The following FBLN7 variants were observed in gnomAD, a reference collection of about 807,000 sequenced individuals.
The protein encoded by FBLN7 is fibulin 7, also known as fibulin-7.
A neutral mutation model predicts 44.0 loss-of-function variants in FBLN7; 31 were observed. That is an observed-to-expected ratio of 0.70 (90% CI 0.53 to 0.95). FBLN7 has a LOEUF of 0.95. Among genes scored for constraint, FBLN7 ranks in the 40% least tolerant of loss-of-function variants. The pLI is 0.00. For missense variants in FBLN7, 573 were observed against 618.5 expected, an observed-to-expected ratio of 0.93 and a Z score of 0.78; for synonymous variants, 262 against 253.4, an observed-to-expected ratio of 1.03 and a Z score of -0.32.
At chr2:112,194,144 G>C in the FBLN7 span, among the ~76,000 whole-genome samples, 1 of 152,128 alleles carries the variant, frequency 6.6e-6, no homozygotes, top group Non-Finnish European at 1.5e-5. Context: ...TGCCTGGGCT[G>C]GGATGACCTA....
At chr2:112,145,634 C>T (rs777162117) in intron 1 of FBLN7, among the ~76,000 whole-genome samples, 2 of 152,216 alleles carry the variant, frequency 1.3e-5, no homozygotes, top group Non-Finnish European at 2.9e-5. Context: ...CTTGGCCTAA[C>T]CTCAGGTCAT....
At chr2:112,234,092 G>T in the FBLN7 span, 1 of 1,285,916 alleles carries the variant, frequency 7.8e-7, no homozygotes, top group Non-Finnish European at 1.1e-6. Context: ...TTACATTTTA[G>T]TAGATTTTTG....
chr2:112,155,065 G>C (rs374406171), intron 1 of FBLN7, among the ~76,000 whole-genome samples: 1 of 152,194 alleles, frequency 6.6e-6, no homozygotes, highest in Non-Finnish European at 1.5e-5. Context: ...TGTGGGACTT[G>C]TTCTTTGTTT....
At chr2:112,164,901 A>C in intron 2 of FBLN7, 100 bp from the exon 3 acceptor site, 2 of 1,305,844 alleles carry the variant, frequency 1.5e-6, no homozygotes, top group East Asian at 4.8e-5. Context: ...GCAGGCATGC[A>C]ACAGAGGGCA....
the FBLN7 span, among the ~76,000 whole-genome samples, chr2:112,194,103 GC>G: frequency 6.6e-6 from 1 of 152,176 alleles, no homozygotes; most frequent in South Asian, 2.1e-4. Flanking sequence ...ATGCCTGGGG[GC>G]TAGGGTTACC....
At chr2:112,177,491 C>G (rs1682790674) in intron 4 of FBLN7, 1 of 152,202 alleles carries the variant, frequency 6.6e-6, no homozygotes, top group Non-Finnish European at 1.5e-5. Context: ...CCTCCAATTC[C>G]TTTTTTAAAA....
chr2:112,182,706 G>T, intron 5 of FBLN7, 85 bp from the exon 6 acceptor site: 1 of 1,480,996 alleles, frequency 6.8e-7, no homozygotes. Flanking sequence ...CTGCCTCCAG[G>T]AATTGAAGCA....
At chr2:112,161,366 G>A (rs933511715) in intron 2 of FBLN7, among the ~76,000 whole-genome samples, 15 of 152,098 alleles carry the variant, frequency 9.9e-5, no homozygotes, top group Non-Finnish European at 1.9e-4. Flanking sequence ...CACTGAGTCC[G>A]TTCCTGTTTT....
At chr2:112,208,651 A>G in the FBLN7 span, among the ~76,000 whole-genome samples, 4 of 152,066 alleles carry the variant, frequency 2.6e-5, no homozygotes, top group Non-Finnish European at 4.4e-5. Context: ...GGAGTACCCT[A>G]TGGTTCAGTA....
intron 7 of FBLN7, among the ~76,000 whole-genome samples, chr2:112,186,446 C>A (rs139708636): frequency 6.6e-6 from 1 of 152,176 alleles, no homozygotes; most frequent in South Asian, 2.1e-4. Flanking sequence ...TCGAGACCAG[C>A]CTGGCCAGCA....
rs377093141 is a variant in FBLN7, at chr2:112,187,245, G to A, written c.1059G>A (p.Thr353=). 58 of 1,614,004 alleles carry A rather than the reference G, an allele frequency of 3.6e-5. No homozygotes were observed. The highest frequency in any genetic ancestry group is 2.3e-4 in the Admixed American group (14 of 60,008). ...SLPSNLKTPI[T]LFRMATASAP... is the part of the protein sequence containing the mutation. ...CTTCCAACCTGAAGACGCCCATCAC[G>A]CTCTTCCGCATGGCCACAGCCTCTG... Residue 353 remains threonine (T), a synonymous_variant, in exon 8 of 8, where the codon ACG becomes ACA. Transcript: ENST00000331203. This position sits in a 1 kb window ranked among gnomAD's most constrained non-coding sequence, Gnocchi z 5.1.
chr2:112,189,218 T>C (rs1219138635), downstream of FBLN7: 1 of 152,220 alleles, frequency 6.6e-6, no homozygotes, highest in African/African-American at 2.4e-5. Flanking sequence ...TCTAAACTGG[T>C]ATATGATAGG....
At chr2:112,227,554 C>T in the FBLN7 span, among the ~76,000 whole-genome samples, 451 of 152,208 alleles carry the variant, frequency 3.0e-3, 6 homozygotes, top group African/African-American at 0.01. Flanking sequence ...ATAACATAAT[C>T]CTACATATAC....
chr2:112,160,280 G>T (rs1373064640), intron 2 of FBLN7, among the ~76,000 whole-genome samples: 1 of 152,202 alleles, frequency 6.6e-6, no homozygotes, highest in African/African-American at 2.4e-5. Flanking sequence ...GTGGGCCACC[G>T]CGCCGGGCCA....
At chr2:112,175,588 G>C (rs1269519020) in intron 3 of FBLN7, 126 bp from the exon 4 acceptor site, 1 of 1,232,260 alleles carries the variant, frequency 8.1e-7, no homozygotes, top group African/African-American at 1.5e-5. Flanking sequence ...AGAGTGGGTG[G>C]GGTCAGGTAG....
the FBLN7 span, among the ~76,000 whole-genome samples, chr2:112,225,339 G>A: frequency 6.6e-6 from 1 of 152,182 alleles, no homozygotes; most frequent in Non-Finnish European, 1.5e-5. Flanking sequence ...TTAGCCAGGT[G>A]TGGTAGCACA....
At chr2:112,215,618 G>C in the FBLN7 span, 1 of 152,090 alleles carries the variant, frequency 6.6e-6, no homozygotes, top group African/African-American at 2.4e-5. Context: ...ATAATGACGA[G>C]TTTCCATTTC....
At chr2:112,160,802 ACG>A (rs1158274579) in intron 2 of FBLN7, among the ~76,000 whole-genome samples, 4 of 146,464 alleles carry the variant, frequency 2.7e-5, no homozygotes, top group Non-Finnish European at 6.0e-5. Flanking sequence ...GCACACACGC[ACG>A]CACACACACG....
the FBLN7 span, among the ~76,000 whole-genome samples, chr2:112,194,554 C>T: frequency 6.6e-6 from 1 of 152,212 alleles, no homozygotes; most frequent in Non-Finnish European, 1.5e-5. Flanking sequence ...GACCCAATCA[C>T]ATATTGTTAC....
Sources: gnomAD v4.1 joint callset for allele counts (sites outside exome capture counted in the v4.1 genomes callset) on GRCh38, gnomAD v4.1.1 for gene constraint, Gnocchi (gnomAD v3.1) non-coding constraint, MANE v1.5 for transcripts, NCBI Gene and HGNC (gene_info 2026-07-23, HGNC 2026-07-21) for gene names.